Variants in NAALADL2 observed in about 807,000 individuals in gnomAD.
The protein encoded by NAALADL2 is inactive N-acetylated-alpha-linked acidic dipeptidase-like protein 2.
Under a neutral mutation model 87.2 loss-of-function variants are expected in NAALADL2, and 76 were observed. The observed-to-expected ratio is 0.87, with a 90% CI of 0.72 to 1.05. The LOEUF is 1.05. Among genes scored for constraint, NAALADL2 ranks in the 50% least tolerant of loss-of-function variants. The probability of loss-of-function intolerance (pLI) is 0.00; values close to 1 mark genes in which losing one functional copy is unlikely to be tolerated. For synonymous variants in NAALADL2, 354 were observed against 331.0 expected (o/e 1.07, Z -0.75); for missense variants, 1,089 against 945.8 (o/e 1.15, Z -1.99).
chr3:175,191,655 G>A (rs956608066), intron 2 of NAALADL2, among the ~76,000 whole-genome samples: 3 of 152,152 alleles, frequency 2.0e-5, no homozygotes, highest in Admixed American at 1.3e-4. Flanking sequence ...TTTGCTGAGC[G>A]ATAAAGTTTA....
chr3:175,619,497 C>T (rs1725902653), intron 10 of NAALADL2, among the ~76,000 whole-genome samples: 1 of 148,336 alleles, frequency 6.7e-6, no homozygotes. Flanking sequence ...AACTTAAATG[C>T]AGAGGAGGGA....
intron 2 of NAALADL2, among the ~76,000 whole-genome samples, chr3:174,696,782 T>C (rs1421836980): frequency 1.3e-5 from 2 of 151,982 alleles, no homozygotes; most frequent in East Asian, 3.8e-4. Context: ...CTGAGAAAAA[T>C]AATAAACATG....
chr3:175,720,262 T>A (rs1037393545), intron 11 of NAALADL2, among the ~76,000 whole-genome samples: 1 of 152,072 alleles, frequency 6.6e-6, no homozygotes, highest in Non-Finnish European at 1.5e-5. Flanking sequence ...TAAATAATTT[T>A]AAAAATTAGA....
intron 5 of NAALADL2, among the ~76,000 whole-genome samples, chr3:175,351,073 T>C (rs1763708020): frequency 6.6e-6 from 1 of 152,156 alleles, no homozygotes; most frequent in African/African-American, 2.4e-5. Flanking sequence ...TTTAATATGT[T>C]CAGTAAATGT....
chr3:175,452,476 T>C (rs2149239919), intron 6 of NAALADL2, among the ~76,000 whole-genome samples: 1 of 152,288 alleles, frequency 6.6e-6, no homozygotes, highest in Non-Finnish European at 1.5e-5. Context: ...ATAATATTGA[T>C]TAGGCTTTTC....
intron 1 of NAALADL2, among the ~76,000 whole-genome samples, chr3:175,032,984 T>G (rs1008216067): frequency 1.2e-4 from 18 of 152,100 alleles, no homozygotes; most frequent in African/African-American, 4.3e-4. Context: ...AGTTTCCTGC[T>G]TCTTCCCAAT....
chr3:174,584,112 A>G (rs1716444514), intron 2 of NAALADL2, among the ~76,000 whole-genome samples: 1 of 152,148 alleles, frequency 6.6e-6, no homozygotes, highest in Non-Finnish European at 1.5e-5. Context: ...CTAAGATATA[A>G]AGTATAATTC....
At chr3:175,068,998 A>G (rs923435638) in intron 1 of NAALADL2, among the ~76,000 whole-genome samples, 62 of 152,134 alleles carry the variant, frequency 4.1e-4, no homozygotes, top group African/African-American at 1.4e-3. Context: ...CTGTATTTTA[A>G]CAAAAATTAA....
At chr3:174,741,330 T>C (rs1733739646) in intron 3 of NAALADL2, among the ~76,000 whole-genome samples, 1 of 151,716 alleles carries the variant, frequency 6.6e-6, no homozygotes, top group African/African-American at 2.4e-5. Flanking sequence ...ACTCAGTCTA[T>C]TTGTTTAAAA....
At chr3:174,690,723 G>C (rs145643432) in intron 2 of NAALADL2, among the ~76,000 whole-genome samples, 128 of 152,220 alleles carry the variant, frequency 8.4e-4, no homozygotes, top group African/African-American at 3.0e-3. Flanking sequence ...TAATAAAAGG[G>C]TAGGAGCACT....
chr3:174,827,256 C>T (rs1722099859), intron 3 of NAALADL2, among the ~76,000 whole-genome samples: 1 of 152,128 alleles, frequency 6.6e-6, no homozygotes, highest in South Asian at 2.1e-4. Flanking sequence ...CAAATTACCA[C>T]AAACATGGTG....
At chr3:175,429,530 T>C (rs968063491) in intron 5 of NAALADL2, among the ~76,000 whole-genome samples, 6 of 151,928 alleles carry the variant, frequency 3.9e-5, no homozygotes, top group Admixed American at 2.0e-4. Flanking sequence ...AGAGGAAAAA[T>C]CAGGTGCAGC....
At chr3:175,737,843 G>T (rs1432966177) in intron 12 of NAALADL2, among the ~76,000 whole-genome samples, 1 of 147,680 alleles carries the variant, frequency 6.8e-6, no homozygotes, top group East Asian at 2.1e-4. Context: ...ATTTGACTGA[G>T]TTATTGGCTC....
Position 175,398,344 on chromosome 3 carries a change from C to CTTT in NAALADL2, c.1091-48865_1091-48863dup, listed in dbSNP as rs776575751. Among the ~76,000 whole-genome samples the CTTT allele has an allele frequency of 1.8e-3, 204 of 112,006 alleles. 3 individuals carry two copies. The highest frequency in any genetic ancestry group is 6.1e-3 in the African/African-American group (182 of 29,662). The allele number at this position is 112,006 out of a possible 152,430, so 73.5% of individuals were successfully genotyped here. On this transcript the variant is annotated intron_variant, in intron 5 of 13. Transcript: ENST00000454872. ...TTCTTAATTAGTGATGCTTCTGCTA[C>CTTT]TTTTTTTTTTTTTTTTTTTTTTCCA...
intron 1 of NAALADL2, among the ~76,000 whole-genome samples, chr3:174,950,446 A>C (rs568954916): frequency 6.6e-6 from 1 of 152,132 alleles, no homozygotes; most frequent in African/African-American, 2.4e-5. Flanking sequence ...ATACATATAC[A>C]TGATTCTATT....
At chr3:174,568,208 T>C (rs1714518002) in intron 2 of NAALADL2, among the ~76,000 whole-genome samples, 2 of 151,840 alleles carry the variant, frequency 1.3e-5, no homozygotes, top group South Asian at 4.1e-4. Context: ...TTTATTGATA[T>C]CACAAATTAA....
intron 1 of NAALADL2, among the ~76,000 whole-genome samples, chr3:174,887,463 T>G (rs1730312590): frequency 6.6e-6 from 1 of 152,180 alleles, no homozygotes; most frequent in African/African-American, 2.4e-5. Flanking sequence ...TTTTCTGAGT[T>G]TAATTTAAAA....
At position 175,795,668 on chromosome 3, in the gene NAALADL2, G is replaced by A. The variant is rs1753376903; in HGVS notation, c.2190-7337G>A. Among the ~76,000 whole-genome samples the A allele has an allele frequency of 2.6e-5, 4 of 151,944 alleles. No homozygotes were observed. In the South Asian group the frequency reaches 6.2e-4, roughly 24 times the overall value. The stretch of plus-strand genomic sequence containing the variant: ...ACTGCACTCCAGCCTGGGCAACATA[G>A]CGAGACTCTGTCTCAAAAAATAAAA... On this transcript the variant is annotated intron_variant, in intron 13 of 13. Coordinates refer to ENST00000454872, the MANE Select transcript of NAALADL2 (RefSeq NM_207015.3).
chr3:175,293,036 C>CAAAAAAAAAAAA (rs568981496), intron 4 of NAALADL2, among the ~76,000 whole-genome samples: 1 of 49,412 alleles, frequency 2.0e-5, no homozygotes, highest in African/African-American at 6.4e-5. Context: ...GACTCCGTCT[C>CAAAAAAAAAAAA]AAAAAAAAAA....
Sources: allele counts gnomAD v4.1 joint callset (sites outside exome capture counted in the v4.1 genomes callset), GRCh38; gene constraint gnomAD v4.1.1; transcripts MANE v1.5; gene names NCBI Gene and HGNC (gene_info 2026-07-23, HGNC 2026-07-21).